The following GALNTL6 variants were observed in gnomAD, a reference collection of about 807,000 sequenced individuals.
The protein encoded by GALNTL6 is polypeptide N-acetylgalactosaminyltransferase like 6, also known as polypeptide N-acetylgalactosaminyltransferase-like 6.
Under a neutral mutation model 73.7 loss-of-function variants are expected in GALNTL6, and 46 were observed. The ratio of observed to expected loss-of-function variants is 0.62; its 90% CI spans 0.49 to 0.80. The LOEUF (loss-of-function observed/expected upper bound fraction) is 0.80. Ranked by LOEUF, GALNTL6 falls within the 30% of genes least tolerant of loss-of-function variation. The probability of loss-of-function intolerance (pLI) is 0.00; values close to 1 mark genes in which losing one functional copy is unlikely to be tolerated. For synonymous variants in GALNTL6, 259 were observed against 263.7 expected (o/e 0.98, Z 0.17); for missense variants, 604 against 755.0 (o/e 0.80, Z 2.34).
intron 2 of GALNTL6, among the ~76,000 whole-genome samples, chr4:171,963,047 T>C (rs1651026816): frequency 6.6e-6 from 1 of 150,478 alleles, no homozygotes; most frequent in Non-Finnish European, 1.5e-5. Flanking sequence ...ATTTCTGGTG[T>C]GAGCCACTGC....
At position 172,563,224 on chromosome 4, in the gene GALNTL6, G is replaced by A. The variant is rs147432104; in HGVS notation, c.553+214535G>A. On this transcript the variant is annotated intron_variant, in intron 5 of 12. Coordinates refer to ENST00000506823, the MANE Select transcript of GALNTL6 (RefSeq NM_001034845.3). ...CCCCAAAGGACCTTCTGATTTCCACGCACACTCTTCTTTGTTCCTTTGTGT... is the reference window on the plus strand; with the variant it reads ...CCCCAAAGGACCTTCTGATTTCCACACACACTCTTCTTTGTTCCTTTGTGT... 4.7e-3 allele frequency among the ~76,000 whole-genome samples: 719 copies of A among 152,132 alleles called. 1 individual carries two copies. The highest frequency in any genetic ancestry group is 7.3e-3 in the Non-Finnish European group (498 of 67,980).
At chr4:172,366,432 TATA>T (rs1306871768) in intron 5 of GALNTL6, among the ~76,000 whole-genome samples, 1 of 152,136 alleles carries the variant, frequency 6.6e-6, no homozygotes, top group African/African-American at 2.4e-5. Context: ...ATATAAGATA[TATA>T]ATAATTTTAT....
chr4:172,710,363 A>G (rs1734628885), intron 5 of GALNTL6, among the ~76,000 whole-genome samples: 1 of 152,188 alleles, frequency 6.6e-6, no homozygotes, highest in African/African-American at 2.4e-5. Flanking sequence ...TCTATTTGTA[A>G]TAATAAAAAG....
At chr4:172,830,140 G>A (rs1482955807) in intron 7 of GALNTL6, among the ~76,000 whole-genome samples, 2 of 152,132 alleles carry the variant, frequency 1.3e-5, no homozygotes, top group Non-Finnish European at 2.9e-5. Context: ...AATGCACATA[G>A]TAAAATAGAT....
At chr4:172,588,906 G>A (rs971060503) in intron 5 of GALNTL6, among the ~76,000 whole-genome samples, 1 of 152,186 alleles carries the variant, frequency 6.6e-6, no homozygotes, top group African/African-American at 2.4e-5. Context: ...GAAGGTTTAT[G>A]TGGAGAAAAA....
At chr4:172,036,371 C>T (rs139223432) in intron 2 of GALNTL6, among the ~76,000 whole-genome samples, 1,653 of 152,054 alleles carry the variant, frequency 0.011, 30 homozygotes, top group African/African-American at 0.036. Context: ...ATTTTTCACA[C>T]GATGTCAGTA....
At chr4:172,931,825 A>G (rs1353599793) in intron 9 of GALNTL6, among the ~76,000 whole-genome samples, 3 of 152,238 alleles carry the variant, frequency 2.0e-5, no homozygotes, top group Non-Finnish European at 4.4e-5. Context: ...ATTGTTTTGA[A>G]TAAAACCTTT....
At chr4:171,940,612 A>C (rs1362994569) in intron 2 of GALNTL6, among the ~76,000 whole-genome samples, 1 of 152,046 alleles carries the variant, frequency 6.6e-6, no homozygotes, top group South Asian at 2.1e-4. Context: ...ACTTGAGGTC[A>C]GGAGTTTGAG....
intron 2 of GALNTL6, among the ~76,000 whole-genome samples, chr4:172,132,150 C>G (rs918164946): frequency 2.6e-5 from 4 of 151,902 alleles, no homozygotes; most frequent in Non-Finnish European, 5.9e-5. Context: ...TACAAAAACA[C>G]AAACAGTTTC....
chr4:172,476,922 C>CTTT (rs149479550), intron 5 of GALNTL6, among the ~76,000 whole-genome samples: 4 of 113,336 alleles, frequency 3.5e-5, no homozygotes, highest in African/African-American at 6.7e-5. Context: ...GCTTAAGAGA[C>CTTT]TTTTTTTTTT....
chr4:172,319,983 C>T (rs1371485296), intron 4 of GALNTL6, among the ~76,000 whole-genome samples: 1 of 152,082 alleles, frequency 6.6e-6, no homozygotes, highest in Non-Finnish European at 1.5e-5. Context: ...ACAGATGCAA[C>T]CAAGAACACA....
chr4:172,886,687 C>T (rs60869972), intron 8 of GALNTL6, among the ~76,000 whole-genome samples: 8,718 of 151,786 alleles, frequency 0.057, 282 homozygotes, highest in Middle Eastern at 0.15. Context: ...TGCTTGAACC[C>T]GGGAGGCAGA....
intron 2 of GALNTL6, among the ~76,000 whole-genome samples, chr4:171,936,194 C>G (rs578047279): frequency 1.3e-5 from 2 of 151,934 alleles, no homozygotes; most frequent in African/African-American, 2.4e-5. Context: ...CTTTTTGGTT[C>G]AAAAACTATC....
At chr4:172,127,608 T>A (rs1455793875) in intron 2 of GALNTL6, among the ~76,000 whole-genome samples, 6 of 152,260 alleles carry the variant, frequency 3.9e-5, no homozygotes, top group African/African-American at 1.4e-4. Context: ...TTCTAGCTTA[T>A]GATTATCAGG....
intron 10 of GALNTL6, among the ~76,000 whole-genome samples, chr4:172,986,552 A>C (rs1400204221): frequency 6.6e-6 from 1 of 152,210 alleles, no homozygotes; most frequent in Non-Finnish European, 1.5e-5. Flanking sequence ...GACACACACA[A>C]AAGAGAAAAT....
At chr4:172,669,801 T>C (rs1320855739) in intron 5 of GALNTL6, among the ~76,000 whole-genome samples, 1 of 152,164 alleles carries the variant, frequency 6.6e-6, no homozygotes, top group African/African-American at 2.4e-5. Flanking sequence ...TTATTTTTCC[T>C]TCTCGTTTTC....
chr4:171,872,008 G>A (rs1477818448), intron 2 of GALNTL6, among the ~76,000 whole-genome samples: 1 of 151,894 alleles, frequency 6.6e-6, no homozygotes, highest in Non-Finnish European at 1.5e-5. Context: ...GAAATAACTA[G>A]GTTAGCAAAA....
chr4:172,367,732 T>A (rs1742620372), intron 5 of GALNTL6, among the ~76,000 whole-genome samples: 1 of 152,216 alleles, frequency 6.6e-6, no homozygotes, highest in South Asian at 2.1e-4. Flanking sequence ...AAGTTTATCA[T>A]TTTGTACATC....
At chr4:172,336,270 G>GTTTTTT (rs138448149) in intron 4 of GALNTL6, among the ~76,000 whole-genome samples, 8,784 of 107,968 alleles carry the variant, frequency 0.081, 1,450 homozygotes, top group East Asian at 0.11. Flanking sequence ...GTATAGTTTT[G>GTTTTTT]TTTTGTTTTT....
Sources: gnomAD v4.1 joint callset for allele counts (sites outside exome capture counted in the v4.1 genomes callset) on GRCh38, gnomAD v4.1.1 for gene constraint, MANE v1.5 for transcripts, NCBI Gene and HGNC (gene_info 2026-07-23, HGNC 2026-07-21) for gene names.